CFTR: variants seen among roughly 807,000 people sequenced by gnomAD.
The protein encoded by CFTR is cystic fibrosis transmembrane conductance regulator.
In CFTR, 181 loss-of-function variants were observed where a neutral mutation model predicts 171.6. That is an observed-to-expected ratio of 1.05 (90% confidence interval 0.93 to 1.19). The LOEUF (loss-of-function observed/expected upper bound fraction) is 1.19, where lower values mean the gene tolerates loss of function less well. Among genes scored for constraint, CFTR ranks in the 50% most tolerant of loss-of-function variants. The pLI is 0.00. For synonymous variants in CFTR, 583 were observed against 608.0 expected (o/e 0.96, Z 0.60); for missense variants, 1,968 against 1,734.7 (o/e 1.13, Z -2.39).
At chr7:117,636,520 A>G (rs1792829201) in intron 22 of CFTR, among the ~76,000 whole-genome samples, 1 of 151,304 alleles carries the variant, frequency 6.6e-6, no homozygotes, top group Non-Finnish European at 1.5e-5. Flanking sequence ...TGGTATTCCC[A>G]TTACATGTAT....
chr7:117,608,064 C>G (rs1211426260), intron 18 of CFTR, among the ~76,000 whole-genome samples: 1 of 152,076 alleles, frequency 6.6e-6, no homozygotes, highest in African/African-American at 2.4e-5. Context: ...CCAATGGTGC[C>G]TCTTGATAAT....
intron 11 of CFTR, among the ~76,000 whole-genome samples, chr7:117,559,997 T>A (rs1405128965): frequency 6.6e-6 from 1 of 152,040 alleles, no homozygotes; most frequent in Non-Finnish European, 1.5e-5. Context: ...GGTATCTTTT[T>A]AAAAGATACC....
chr7:117,595,128 T>C (rs975402944), intron 15 of CFTR, 70 bp downstream of exon 15: 3 of 1,264,706 alleles, frequency 2.4e-6, no homozygotes, highest in Non-Finnish European at 3.4e-6. Flanking sequence ...GATGTATACA[T>C]ATATATGCAC....
intron 23 of CFTR, among the ~76,000 whole-genome samples, chr7:117,645,625 G>A (rs1255512525): frequency 1.3e-5 from 2 of 151,788 alleles, no homozygotes; most frequent in African/African-American, 4.9e-5. Flanking sequence ...TCCATTATAT[G>A]AGTCATACAA....
chr7:117,508,858 G>A (rs773410880), intron 2 of CFTR, among the ~76,000 whole-genome samples, 176 bp from the exon 3 acceptor site: 51 of 152,294 alleles, frequency 3.3e-4, no homozygotes, highest in Admixed American at 9.2e-4. Flanking sequence ...ATTGAATTCT[G>A]CCAAATATCT....
chr7:117,559,720 A>G, intron 11 of CFTR, 65 bp downstream of exon 11: 1 of 1,095,316 alleles, frequency 9.1e-7, no homozygotes, highest in Admixed American at 1.8e-5. Flanking sequence ...CAAATTATAT[A>G]TTTGGCTCCA....
chr7:117,518,669 G>A (rs1263258175), intron 3 of CFTR, among the ~76,000 whole-genome samples: 4 of 151,062 alleles, frequency 2.6e-5, no homozygotes, highest in Non-Finnish European at 5.9e-5. Context: ...GGGCTCAAGT[G>A]ATCCTACTGC....
At chr7:117,491,810 C>G (rs1310635544) in intron 1 of CFTR, among the ~76,000 whole-genome samples, 4 of 152,046 alleles carry the variant, frequency 2.6e-5, no homozygotes. Flanking sequence ...GGGGTTAGGA[C>G]TCAAACATAC....
chr7:117,659,325 A>T (rs892525456), intron 24 of CFTR, among the ~76,000 whole-genome samples: 4 of 152,068 alleles, frequency 2.6e-5, no homozygotes, highest in Admixed American at 6.5e-5. Context: ...TAACTTGTCC[A>T]TGTCCCCCAC....
intron 10 of CFTR, among the ~76,000 whole-genome samples, chr7:117,555,063 T>C (rs1203516689): frequency 3.3e-5 from 5 of 152,080 alleles, no homozygotes; most frequent in Non-Finnish European, 7.4e-5. Context: ...AGTTAATACA[T>C]TGGAAAATTT....
At position 117,610,556 on chromosome 7, in the gene CFTR, C is replaced by T. The variant is rs772525578; in HGVS notation, c.3026C>T (p.Ala1009Val). 6.2e-7 allele frequency: 1 copy of T among 1,613,482 alleles called. No homozygotes were observed. The highest frequency in any genetic ancestry group is 2.2e-5 in the East Asian group (1 of 44,834). Residue 1009 changes from alanine (A) to valine (V), a missense_variant, in exon 19 of 27, where the codon GCA (alanine) becomes GTA (valine). By Grantham distance (64) the Ala-to-Val change is moderately conservative. Transcript: ENST00000003084. ...GTGATTGGAGCTATAGCAGTTGTCG[C>T]AGTTTTACAACCCTACATCTTTGTT... ...LIVIGAIAVVAVLQPYIFVAT... is the reference protein window; with the variant it reads ...LIVIGAIAVVVVLQPYIFVAT...
chr7:117,597,179 T>G (rs964590648), intron 15 of CFTR, among the ~76,000 whole-genome samples: 30 of 152,216 alleles, frequency 2.0e-4, no homozygotes, highest in African/African-American at 7.0e-4. Context: ...GTTTATGAGC[T>G]GTGACACTCA....
At chr7:117,628,306 G>A (rs552103120) in intron 22 of CFTR, among the ~76,000 whole-genome samples, 98 of 151,992 alleles carry the variant, frequency 6.4e-4, no homozygotes, top group Non-Finnish European at 1.1e-3. Context: ...TCCTTCTTAT[G>A]GATCCCAGCA....
intron 1 of CFTR, among the ~76,000 whole-genome samples, chr7:117,493,419 CTT>C (rs1326619668): frequency 6.6e-6 from 1 of 152,008 alleles, no homozygotes; most frequent in Non-Finnish European, 1.5e-5. Flanking sequence ...GAGGTAGAGT[CTT>C]ATTAATTCCT....
chr7:117,643,665 T>C (rs1181036664), intron 23 of CFTR, among the ~76,000 whole-genome samples: 1 of 152,046 alleles, frequency 6.6e-6, no homozygotes, highest in East Asian at 1.9e-4. Context: ...GATCTAAAAA[T>C]AAAGAAACAC....
chr7:117,512,670 A>G (rs35129070), intron 3 of CFTR, among the ~76,000 whole-genome samples: 98 of 151,092 alleles, frequency 6.5e-4, no homozygotes, highest in African/African-American at 2.3e-3. Context: ...CTAGCATGGA[A>G]GAGAAACTGG....
At chr7:117,640,435 A>C (rs1792892824) in intron 22 of CFTR, among the ~76,000 whole-genome samples, 1 of 152,156 alleles carries the variant, frequency 6.6e-6, no homozygotes, top group Non-Finnish European at 1.5e-5. Flanking sequence ...TTCTCTAAAA[A>C]TTTTAGTATT....
At chr7:117,660,082 A>C (rs1793246208) in intron 24 of CFTR, among the ~76,000 whole-genome samples, 1 of 151,498 alleles carries the variant, frequency 6.6e-6, no homozygotes, top group South Asian at 2.1e-4. Flanking sequence ...TTCTTTTTTC[A>C]CAGCAGTTTG....
chr7:117,648,898 A>AT (rs915015843), intron 23 of CFTR, among the ~76,000 whole-genome samples: 13 of 150,464 alleles, frequency 8.6e-5, no homozygotes, highest in South Asian at 2.1e-4. Context: ...GTTCAGTTAA[A>AT]TTTTTTTTTT....
Sources: gnomAD v4.1 joint callset for allele counts (sites outside exome capture counted in the v4.1 genomes callset) on GRCh38, gnomAD v4.1.1 for gene constraint, MANE v1.5 for transcripts, NCBI Gene and HGNC (gene_info 2026-07-23, HGNC 2026-07-21) for gene names.